GPAM: variants seen among roughly 807,000 people sequenced by gnomAD.
GPAM encodes the protein glycerol-3-phosphate acyltransferase, mitochondrial, also known as glycerol-3-phosphate acyltransferase 1, mitochondrial.
Under a neutral mutation model 105.0 loss-of-function variants are expected in GPAM, and 56 were observed. That is an observed-to-expected ratio of 0.53 (90% CI 0.43 to 0.67). GPAM has a LOEUF of 0.67. Ranked by LOEUF, GPAM falls within the 30% of genes least tolerant of loss-of-function variation. The probability of loss-of-function intolerance (pLI) is 0.00; values close to 1 mark genes in which losing one functional copy is unlikely to be tolerated. For synonymous variants in GPAM, 368 were observed against 354.4 expected (o/e 1.04, Z -0.43); for missense variants, 855 against 989.8 (o/e 0.86, Z 1.83).
rs559431132 is a variant in GPAM at position 112,173,429 on chromosome 10, T to C, written c.560+270A>G. On this transcript the variant is annotated intron_variant, in intron 7 of 21. Transcript: ENST00000348367. Reference sequence around the variant, plus strand: ...CTTTTATGACTCAGATACGTGAAAGTTGATTCACAAGCAGTCTAGGTGAGC... The same window carrying C: ...CTTTTATGACTCAGATACGTGAAAGCTGATTCACAAGCAGTCTAGGTGAGC... 3.3e-5 allele frequency among the ~76,000 whole-genome samples: 5 copies of C among 152,322 alleles called. No homozygotes were observed. In the South Asian group the frequency reaches 1.0e-3, roughly 32 times the overall value.
At chr10:112,166,678 C>T (rs17129571) in intron 11 of GPAM, among the ~76,000 whole-genome samples, 163 bp from the exon 12 acceptor site, 3,061 of 152,228 alleles carry the variant, frequency 0.02, 111 homozygotes, top group African/African-American at 0.07. Context: ...TGCGGCCTGT[C>T]AGAAAACGTT....
Position 112,153,309 on chromosome 10 carries a change from G to C in GPAM, c.*241C>G. On this transcript the variant is annotated 3_prime_UTR_variant, in exon 22 of 22. Transcript: ENST00000348367. ...ATTGAGATTTCATCTTGTAGTCTAC[G>C]GATTATGAGTTGCGAATAGAGGCTG... 7.3e-7 allele frequency: 1 copy of C among 1,366,586 alleles called. No individual in the cohort carries two copies. The highest frequency in any genetic ancestry group is 9.5e-7 in the Non-Finnish European group (1 of 1,057,814). The allele number at this position is 1,366,586 out of a possible 1,614,324, so 84.7% of individuals were successfully genotyped here.
At chr10:112,207,012 A>G (rs942089412) in intron 1 of GPAM, among the ~76,000 whole-genome samples, 3 of 152,200 alleles carry the variant, frequency 2.0e-5, no homozygotes, top group African/African-American at 7.2e-5. Context: ...ACAGAGTAGA[A>G]GCTCAATAAA....
chr10:112,218,307 A>G (rs1395188515), upstream of GPAM, among the ~76,000 whole-genome samples: 1 of 152,228 alleles, frequency 6.6e-6, no homozygotes. Flanking sequence ...GAGTCTCAAG[A>G]TGCAGGGGAA....
Position 112,151,653 on chromosome 10 carries a change from G to C in GPAM, c.*1897C>G, listed in dbSNP as rs139926295. 479 of 985,342 alleles carry C rather than the reference G, an allele frequency of 4.9e-4. 1 individual carries two copies. Among genetic ancestry groups the C allele is most frequent in the Non-Finnish European group, 5.4e-4 (447 of 829,836 alleles). The allele number at this position is 985,342 out of a possible 1,614,324, so 61.0% of individuals were successfully genotyped here. ...CAAAGCAGCAGCTCTTTGCAGCAATGACAGGCAGGGCAGAGTGTCGACTGG... is the reference window on the plus strand; with the variant it reads ...CAAAGCAGCAGCTCTTTGCAGCAATCACAGGCAGGGCAGAGTGTCGACTGG... On this transcript the variant is annotated 3_prime_UTR_variant, in exon 22 of 22. Transcript: ENST00000348367.
chr10:112,150,669 C>A lies in GPAM; in HGVS notation c.*2881G>T. On this transcript the variant is annotated 3_prime_UTR_variant, in exon 22 of 22. Transcript: ENST00000348367. ...TGGTGTCAAAATAGTTTGGGCAATG[C>A]TGGGTTAGACAGTTTTTCACTACCG... The A allele has an allele frequency of 1.1e-6, 1 of 915,188 alleles. No individual in the cohort carries two copies. Among genetic ancestry groups the A allele is most frequent in the Non-Finnish European group, 1.3e-6 (1 of 765,890 alleles). The allele number at this position is 915,188 out of a possible 1,614,324, so 56.7% of individuals were successfully genotyped here.
intron 1 of GPAM, among the ~76,000 whole-genome samples, chr10:112,183,404 G>C (rs1847543759): frequency 1.3e-5 from 2 of 152,212 alleles, no homozygotes; most frequent in African/African-American, 2.4e-5. Flanking sequence ...GCTGGCTGGC[G>C]GCGCCTCCGC....
the GPAM span, among the ~76,000 whole-genome samples, chr10:112,222,993 C>T: frequency 6.6e-6 from 1 of 152,130 alleles, no homozygotes; most frequent in Non-Finnish European, 1.5e-5. Flanking sequence ...GCCAGGGCCA[C>T]ATGTACCCCA....
chr10:112,217,201 A>T (rs988927136), upstream of GPAM, among the ~76,000 whole-genome samples: 1 of 152,160 alleles, frequency 6.6e-6, no homozygotes, highest in African/African-American at 2.4e-5. Context: ...CTACTGATCT[A>T]CTGTATGTCT....
intron 1 of GPAM, among the ~76,000 whole-genome samples, chr10:112,206,747 C>T (rs1847854986): frequency 6.7e-6 from 1 of 149,540 alleles, no homozygotes; most frequent in Non-Finnish European, 1.5e-5. Context: ...TGCAGTGCAC[C>T]AGCATGGCAC....
intron 19 of GPAM, chr10:112,156,431 G>T: frequency 3.3e-6 from 1 of 300,926 alleles, no homozygotes; most frequent in Non-Finnish European, 6.4e-6. Flanking sequence ...CAAGTCTGCA[G>T]AAAGACCAAT....
chr10:112,220,162 G>C (rs555473234), upstream of GPAM, among the ~76,000 whole-genome samples: 1 of 151,998 alleles, frequency 6.6e-6, no homozygotes, highest in Non-Finnish European at 1.5e-5. Flanking sequence ...GACTGAGCAG[G>C]CAGGAGGACC....
intron 1 of GPAM, among the ~76,000 whole-genome samples, chr10:112,202,929 A>C (rs1847813893): frequency 1.3e-5 from 2 of 152,202 alleles, no homozygotes; most frequent in South Asian, 2.1e-4. Flanking sequence ...ATCAGCATTG[A>C]AGCAAAATAT....
intron 17 of GPAM, among the ~76,000 whole-genome samples, chr10:112,158,991 C>T (rs1212920372): frequency 1.3e-5 from 2 of 152,134 alleles, no homozygotes; most frequent in Admixed American, 6.5e-5. Flanking sequence ...GCACTCATCT[C>T]GTCAACATCT....
chr10:112,199,573 T>C (rs1223671759), intron 1 of GPAM, among the ~76,000 whole-genome samples: 5 of 152,202 alleles, frequency 3.3e-5, no homozygotes, highest in Non-Finnish European at 7.3e-5. Context: ...TGTGAGGTGG[T>C]GAATATGTTA....
At chr10:112,169,330 C>A (rs1356165007) in intron 9 of GPAM, among the ~76,000 whole-genome samples, 2 of 152,228 alleles carry the variant, frequency 1.3e-5, no homozygotes, top group South Asian at 2.1e-4. Context: ...CTGAAATTTG[C>A]GCATGGCATG....
chr10:112,210,271 C>A (rs1847896953), intron 1 of GPAM, among the ~76,000 whole-genome samples: 1 of 152,196 alleles, frequency 6.6e-6, no homozygotes, highest in Non-Finnish European at 1.5e-5. Context: ...TGGAAATGTT[C>A]TTGATCTAGA....
chr10:112,190,641 C>T (rs940683582), intron 1 of GPAM, among the ~76,000 whole-genome samples: 12 of 152,120 alleles, frequency 7.9e-5, no homozygotes, highest in African/African-American at 2.9e-4. Context: ...AATCAATAGA[C>T]TCAGCTTTAA....
chr10:112,157,279 A>G lies in GPAM; in HGVS notation c.2091T>C (p.Phe697=), dbSNP rs1254644339. 1 of 1,613,960 alleles carries G rather than the reference A, an allele frequency of 6.2e-7. No individual in the cohort carries two copies. The highest frequency in any genetic ancestry group is 1.1e-5 in the South Asian group (1 of 91,080). ...RSDEEDEDSD[F]GEEQRDCYLK... is the part of the protein sequence containing the mutation. ...GGTAGCAATCTCGCTGTTCCTCCCC[A>G]AAGTCACTGTCTTCATCTTCTTCAT... Residue 697 remains phenylalanine (F), a synonymous_variant, in exon 19 of 22, where the codon TTT becomes TTC. Transcript: ENST00000348367.
Sources: allele counts gnomAD v4.1 joint callset (sites outside exome capture counted in the v4.1 genomes callset), GRCh38; gene constraint gnomAD v4.1.1; transcripts MANE v1.5; gene names NCBI Gene and HGNC (gene_info 2026-07-23, HGNC 2026-07-21).